ANK3: variants seen among roughly 807,000 people sequenced by gnomAD.
ANK3 encodes the protein ankyrin 3.
ANK3 carries 57 observed loss-of-function variants against 370.9 expected under a neutral mutation model. The observed-to-expected ratio is 0.15, with a 90% confidence interval of 0.12 to 0.19. The LOEUF is 0.19. Ranked by LOEUF, ANK3 falls within the 10% of genes least tolerant of loss-of-function variation. The probability of loss-of-function intolerance (pLI) is 1.00; values close to 1 mark genes in which losing one functional copy is unlikely to be tolerated. For missense variants in ANK3, 4,439 were observed against 5,302.1 expected, an observed-to-expected ratio of 0.84 and a Z score of 5.06; for synonymous variants, 1,929 against 1,946.3, an observed-to-expected ratio of 0.99 and a Z score of 0.23.
At position 60,029,686 on chromosome 10, in the gene ANK3, TTTC is replaced by T. The variant is rs1229591446; in HGVS notation, c.*157_*159del. On this transcript the variant is annotated 3_prime_UTR_variant, in exon 44 of 44. Coordinates refer to ENST00000280772, the MANE Select transcript of ANK3 (RefSeq NM_020987.5). ...TAAATTAAAATGTGGGTGGTTTTCTTTTCTTTTCTTTTTGCATAAAAAAAATCA... is the reference window on the plus strand; with the variant it reads ...TAAATTAAAATGTGGGTGGTTTTCTTTTTTCTTTTTGCATAAAAAAAATCA... 6.6e-6 allele frequency: 1 copy of T among 152,334 alleles called. No individual in the cohort carries two copies. Among genetic ancestry groups the T allele is most frequent in the African/African-American group, 2.4e-5 (1 of 41,322 alleles). The allele number at this position is 152,334 out of a possible 1,614,324, so 9.4% of individuals were successfully genotyped here.
intron 2 of ANK3, among the ~76,000 whole-genome samples, chr10:60,426,362 ATAC>A (rs1271887314): frequency 6.6e-6 from 1 of 152,102 alleles, no homozygotes; most frequent in African/African-American, 2.4e-5. Flanking sequence ...TCAAGTTGCG[ATAC>A]TACTGTCTTC....
intron 7 of ANK3, among the ~76,000 whole-genome samples, chr10:60,237,581 T>C (rs1481924957): frequency 6.6e-6 from 1 of 151,426 alleles, no homozygotes; most frequent in East Asian, 1.9e-4. Flanking sequence ...AAAGGTGCCT[T>C]GAGTTTCTTT....
chr10:60,540,337 C>T (rs2076818831), intron 2 of ANK3, among the ~76,000 whole-genome samples: 1 of 151,872 alleles, frequency 6.6e-6, no homozygotes, highest in Non-Finnish European at 1.5e-5. Flanking sequence ...TTCTATATGG[C>T]TTTTCAGTTC....
At chr10:60,296,412 T>C (rs2042524295) in intron 1 of ANK3, among the ~76,000 whole-genome samples, 2 of 152,208 alleles carry the variant, frequency 1.3e-5, no homozygotes, top group Non-Finnish European at 2.9e-5. Context: ...AAATCCTCTG[T>C]TCTGGGAAAC....
chr10:60,036,758 A>C (rs2075098007), intron 43 of ANK3, among the ~76,000 whole-genome samples: 1 of 151,934 alleles, frequency 6.6e-6, no homozygotes, highest in Non-Finnish European at 1.5e-5. Context: ...TTAAACTCTG[A>C]AATGTTGCTT....
chr10:60,594,212 T>A (rs148783915), intron 2 of ANK3, among the ~76,000 whole-genome samples: 3 of 152,330 alleles, frequency 2.0e-5, no homozygotes, highest in African/African-American at 7.2e-5. Flanking sequence ...TCTACCTACC[T>A]TTCTATATCT....
intron 2 of ANK3, among the ~76,000 whole-genome samples, chr10:60,432,498 T>C (rs751882582): frequency 1.3e-5 from 2 of 152,202 alleles, no homozygotes; most frequent in African/African-American, 2.4e-5. Context: ...TCCTAACACA[T>C]ATAAAGGTAA....
chr10:60,449,825 A>C (rs1365965078), intron 2 of ANK3, among the ~76,000 whole-genome samples: 1 of 152,210 alleles, frequency 6.6e-6, no homozygotes, highest in Non-Finnish European at 1.5e-5. Context: ...AGAATACAGA[A>C]TATTCCTTTG....
chr10:60,165,982 G>A (rs755096896), intron 23 of ANK3, among the ~76,000 whole-genome samples: 17 of 152,150 alleles, frequency 1.1e-4, no homozygotes, highest in Non-Finnish European at 2.2e-4. Context: ...TGTATATCAT[G>A]ACCTGGTCAA....
intron 2 of ANK3, among the ~76,000 whole-genome samples, chr10:60,596,915 T>A (rs2077995478): frequency 6.6e-6 from 1 of 152,074 alleles, no homozygotes; most frequent in Non-Finnish European, 1.5e-5. Context: ...AACCCCAAAA[T>A]TAAATCAGAT....
chr10:60,688,930 AGAGT>A (rs1398663636), intron 1 of ANK3, among the ~76,000 whole-genome samples: 1 of 151,432 alleles, frequency 6.6e-6, no homozygotes, highest in Non-Finnish European at 1.5e-5. Context: ...CCTAGGCGAC[AGAGT>A]GAGACTCCGT....
At chr10:60,667,414 T>C (rs888432562) in intron 1 of ANK3, among the ~76,000 whole-genome samples, 2 of 151,788 alleles carry the variant, frequency 1.3e-5, no homozygotes, top group African/African-American at 4.8e-5. Context: ...GACATTGAAA[T>C]AAAAAACTAA....
intron 1 of ANK3, among the ~76,000 whole-genome samples, chr10:60,308,239 G>T (rs981090537): frequency 6.1e-5 from 9 of 147,180 alleles, no homozygotes; most frequent in Admixed American, 3.4e-4. Flanking sequence ...AAGGATAAAA[G>T]AAAAGTTTAG....
At chr10:60,465,440 T>G (rs567930161) in intron 2 of ANK3, among the ~76,000 whole-genome samples, 1 of 152,204 alleles carries the variant, frequency 6.6e-6, no homozygotes, top group South Asian at 2.1e-4. Flanking sequence ...TAAGTCCACA[T>G]CTAAATGACC....
intron 2 of ANK3, among the ~76,000 whole-genome samples, chr10:60,573,175 T>C (rs1339647250): frequency 6.6e-6 from 1 of 151,750 alleles, no homozygotes; most frequent in East Asian, 1.9e-4. Context: ...AAAAGAGACC[T>C]ACCACTACTG....
chr10:60,236,139 T>C (rs2097329501), intron 7 of ANK3, among the ~76,000 whole-genome samples: 1 of 152,166 alleles, frequency 6.6e-6, no homozygotes, highest in Non-Finnish European at 1.5e-5. Context: ...ATTTCTTTTA[T>C]GCTCCCTACT....
At chr10:60,196,278 A>G in intron 15 of ANK3, 35 bp from the exon 16 acceptor site, 1 of 1,578,386 alleles carries the variant, frequency 6.3e-7, no homozygotes, top group Non-Finnish European at 8.7e-7. Flanking sequence ...ACCAGTGTCA[A>G]AGGTGTCTTA....
intron 38 of ANK3, among the ~76,000 whole-genome samples, chr10:60,065,113 A>G (rs2081378035): frequency 6.6e-6 from 1 of 152,206 alleles, no homozygotes; most frequent in Non-Finnish European, 1.5e-5. Context: ...TGATGACTCC[A>G]GGCCAGATCA....
chr10:60,272,907 C>T (rs1459724), intron 4 of ANK3, among the ~76,000 whole-genome samples: 3 of 152,144 alleles, frequency 2.0e-5, no homozygotes, highest in Non-Finnish European at 4.4e-5. Context: ...CCAAGATTGC[C>T]TAAGAAACAC....
Sources: allele counts gnomAD v4.1 joint callset (sites outside exome capture counted in the v4.1 genomes callset), GRCh38; gene constraint gnomAD v4.1.1; transcripts MANE v1.5; gene names NCBI Gene and HGNC (gene_info 2026-07-23, HGNC 2026-07-21).